GRID1: variants seen among roughly 807,000 people sequenced by gnomAD.
The protein encoded by GRID1 is glutamate ionotropic receptor delta type subunit 1, also known as glutamate receptor ionotropic, delta-1.
A neutral mutation model predicts 98.0 loss-of-function variants in GRID1; 28 were observed. That is an observed-to-expected ratio of 0.29 (90% CI 0.21 to 0.39). The LOEUF (loss-of-function observed/expected upper bound fraction) is 0.39. GRID1 is among the 10% of genes least tolerant of loss of function. The pLI, the probability that GRID1 is intolerant of heterozygous loss-of-function variation, is 1.00. For synonymous variants in GRID1, 553 were observed against 538.5 expected, an observed-to-expected ratio of 1.03 and a Z score of -0.37; for missense variants, 1,111 against 1,340.5, an observed-to-expected ratio of 0.83 and a Z score of 2.67.
intron 8 of GRID1, among the ~76,000 whole-genome samples, chr10:85,818,760 C>G (rs1207960904): frequency 6.6e-6 from 1 of 152,006 alleles, no homozygotes; most frequent in African/African-American, 2.4e-5. Flanking sequence ...TTTTGTCGCC[C>G]AGGCTGGAGT....
At chr10:86,079,384 C>A (rs1589363827) in intron 4 of GRID1, among the ~76,000 whole-genome samples, 1 of 152,092 alleles carries the variant, frequency 6.6e-6, no homozygotes, top group East Asian at 1.9e-4. Flanking sequence ...CCTGCGAGTC[C>A]CTGGGGCTCC....
intron 4 of GRID1, among the ~76,000 whole-genome samples, chr10:86,014,907 T>C (rs527480002): frequency 4.6e-5 from 7 of 152,274 alleles, no homozygotes; most frequent in African/African-American, 1.7e-4. Flanking sequence ...TCACTTAAGG[T>C]CTTTATGTTT....
intron 2 of GRID1, among the ~76,000 whole-genome samples, chr10:86,273,757 G>T (rs1278268040): frequency 9.9e-5 from 15 of 152,066 alleles, no homozygotes; most frequent in African/African-American, 3.6e-4. Context: ...TTTTGATGGG[G>T]TTGTTTGTTT....
intron 4 of GRID1, among the ~76,000 whole-genome samples, chr10:86,059,929 A>G (rs1293609307): frequency 2.0e-5 from 3 of 152,244 alleles, no homozygotes; most frequent in Admixed American, 6.5e-5. Context: ...AAACGAGTAT[A>G]CGTAGCTTGT....
chr10:86,317,032 C>T (rs904688094), intron 2 of GRID1, among the ~76,000 whole-genome samples: 5 of 152,190 alleles, frequency 3.3e-5, no homozygotes, highest in Non-Finnish European at 5.9e-5. Flanking sequence ...TTCTGATCCA[C>T]GTGGCCCTAG....
chr10:86,214,438 T>C (rs1365922144), intron 2 of GRID1, among the ~76,000 whole-genome samples: 1 of 152,224 alleles, frequency 6.6e-6, no homozygotes, highest in African/African-American at 2.4e-5. Flanking sequence ...TCCCTCACCA[T>C]GGTTTGCCTT....
intron 8 of GRID1, among the ~76,000 whole-genome samples, chr10:85,735,946 A>G (rs181584663): frequency 1.6e-3 from 180 of 115,412 alleles, no homozygotes; most frequent in African/African-American, 5.6e-3. Context: ...CAGGAGGGAG[A>G]GAAGGAGGGA....
At chr10:85,781,972 C>T (rs530524089) in intron 8 of GRID1, among the ~76,000 whole-genome samples, 14 of 152,320 alleles carry the variant, frequency 9.2e-5, no homozygotes, top group African/African-American at 3.1e-4. Flanking sequence ...GAATTCTCAA[C>T]AGTTTAACAT....
intron 8 of GRID1, among the ~76,000 whole-genome samples, chr10:85,815,677 CAT>C (rs1337304126): frequency 1.3e-5 from 2 of 152,038 alleles, no homozygotes; most frequent in South Asian, 2.1e-4. Flanking sequence ...AGAAGGTTTA[CAT>C]ATGACACCAA....
At chr10:85,930,954 C>G (rs1841843694) in intron 4 of GRID1, among the ~76,000 whole-genome samples, 1 of 151,244 alleles carries the variant, frequency 6.6e-6, no homozygotes, top group South Asian at 2.1e-4. Flanking sequence ...AATCTCTCAC[C>G]TCAGTCTCCC....
At chr10:86,029,630 C>T (rs1047277098) in intron 4 of GRID1, among the ~76,000 whole-genome samples, 2 of 151,790 alleles carry the variant, frequency 1.3e-5, no homozygotes, top group Non-Finnish European at 2.9e-5. Context: ...TCATTAAATC[C>T]TAGTCACATT....
intron 4 of GRID1, among the ~76,000 whole-genome samples, chr10:85,946,348 C>T (rs1368515744): frequency 2.6e-5 from 4 of 152,226 alleles, no homozygotes; most frequent in Non-Finnish European, 5.9e-5. Flanking sequence ...AAGGTCACTG[C>T]TCTGAACCCT....
chr10:85,770,622 G>A (rs1842254217), intron 8 of GRID1, among the ~76,000 whole-genome samples: 1 of 152,136 alleles, frequency 6.6e-6, no homozygotes, highest in African/African-American at 2.4e-5. Flanking sequence ...ATACAGAGAA[G>A]TGCTTAAAGG....
chr10:85,634,998 G>GAAAA lies in GRID1; in HGVS notation c.2193+12200_2193+12203dup, dbSNP rs140144576. Among the ~76,000 whole-genome samples, 3 of 35,010 alleles carry GAAAA rather than the reference G, an allele frequency of 8.6e-5. 1 individual carries two copies. Among genetic ancestry groups the GAAAA allele is most frequent in the Non-Finnish European group, 1.1e-4 (2 of 18,564 alleles). 23.0% of individuals were successfully genotyped at this position (35,010 alleles called of 152,430 possible). On this transcript the variant is annotated intron_variant, in intron 13 of 15. Coordinates refer to ENST00000327946, the MANE Select transcript of GRID1 (RefSeq NM_017551.3). The stretch of plus-strand genomic sequence containing the variant: ...GCAAATTACAGGGCAGAGGAAATCT[G>GAAAA]AAAAAAAAAAAAAAAAAAAAAAAAA...
intron 4 of GRID1, among the ~76,000 whole-genome samples, chr10:86,122,934 G>C (rs1844699995): frequency 6.6e-6 from 1 of 152,244 alleles, no homozygotes; most frequent in Non-Finnish European, 1.5e-5. Flanking sequence ...GGCCTGGGCA[G>C]TGCTCAAGTC....
At chr10:85,917,220 G>T (rs768802803) in intron 4 of GRID1, among the ~76,000 whole-genome samples, 1 of 152,048 alleles carries the variant, frequency 6.6e-6, no homozygotes, top group African/African-American at 2.4e-5. Context: ...GAGCCAGGCT[G>T]ACTATGAACC....
rs929065663 is a variant in GRID1, at chr10:86,123,078, G to A, written c.726+15741C>T. 9.2e-5 allele frequency among the ~76,000 whole-genome samples: 14 copies of A among 152,334 alleles called. No individual in the cohort carries two copies. The South Asian group carries it at 1.7e-3, about 18-fold the overall frequency. ...CTGCTTGAGTTTTGAATCAAGTCATGTCATGATTTTGGTTCCGTGCAATGC... is the reference window on the plus strand; with the variant it reads ...CTGCTTGAGTTTTGAATCAAGTCATATCATGATTTTGGTTCCGTGCAATGC... On this transcript the variant is annotated intron_variant, in intron 4 of 15. Coordinates refer to ENST00000327946, the MANE Select transcript of GRID1 (RefSeq NM_017551.3).
chr10:85,878,289 A>G (rs56053692), intron 5 of GRID1, among the ~76,000 whole-genome samples: 40,938 of 151,228 alleles, frequency 0.27, 5,632 homozygotes, highest in African/African-American at 0.33. Flanking sequence ...GATACTCCTC[A>G]AGAAGAGCAA....
At chr10:85,934,924 A>G (rs546116829) in intron 4 of GRID1, among the ~76,000 whole-genome samples, 71 of 152,348 alleles carry the variant, frequency 4.7e-4, no homozygotes, top group African/African-American at 1.7e-3. Context: ...CGGTACTTTA[A>G]GGCCTCCAGA....
Sources: gnomAD v4.1 joint callset for allele counts (sites outside exome capture counted in the v4.1 genomes callset) on GRCh38, gnomAD v4.1.1 for gene constraint, MANE v1.5 for transcripts, NCBI Gene and HGNC (gene_info 2026-07-23, HGNC 2026-07-21) for gene names.